The following ENPEP variants were observed in gnomAD, a reference collection of about 807,000 sequenced individuals.
ENPEP encodes the protein AP-A.
In ENPEP, 103 loss-of-function variants were observed where a neutral mutation model predicts 114.5. That is an observed-to-expected ratio of 0.90 (90% CI 0.77 to 1.06). The LOEUF is 1.06. Ranked by LOEUF, ENPEP falls within the 50% of genes least tolerant of loss-of-function variation. The probability of loss-of-function intolerance (pLI) is 0.00; values close to 1 mark genes in which losing one functional copy is unlikely to be tolerated. For missense variants in ENPEP, 1,196 were observed against 1,161.3 expected, an observed-to-expected ratio of 1.03 and a Z score of -0.43; for synonymous variants, 420 against 422.0, an observed-to-expected ratio of 1.00 and a Z score of 0.06.
At chr4:110,561,361 T>G (rs763878875) in intron 19 of ENPEP, 45 bp from the exon 20 acceptor site, 18 of 1,590,864 alleles carry the variant, frequency 1.1e-5, no homozygotes, top group Non-Finnish European at 1.2e-5. Flanking sequence ...TGAAGACTAA[T>G]TTGGCTATAA....
At chr4:110,513,229 A>G in intron 6 of ENPEP, 186 bp from the exon 7 acceptor site, 4 of 494,820 alleles carry the variant, frequency 8.1e-6, no homozygotes, top group South Asian at 4.7e-5. Context: ...AATTAGAAGT[A>G]GAAGAAGGGC....
At chr4:110,481,189 G>C (rs1724299851) in intron 1 of ENPEP, among the ~76,000 whole-genome samples, 1 of 152,038 alleles carries the variant, frequency 6.6e-6, no homozygotes, top group Admixed American at 6.5e-5. Context: ...AAATCAGTTT[G>C]TGCAATAATA....
chr4:110,515,499 T>C, intron 8 of ENPEP, 57 bp downstream of exon 8: 30 of 1,351,324 alleles, frequency 2.2e-5, no homozygotes, highest in Non-Finnish European at 3.1e-5. Context: ...ATGTGGCTGG[T>C]GAATGTTAAG....
rs1474642816 is a variant in ENPEP at position 110,483,097 on chromosome 4, A to G, written c.645-5444A>G. Among the ~76,000 whole-genome samples the G allele has an allele frequency of 2.0e-5, 3 of 152,216 alleles. No individual in the cohort carries two copies. The East Asian group carries it at 5.8e-4, about 29-fold the overall frequency. On this transcript the variant is annotated intron_variant, in intron 1 of 19. Coordinates refer to ENST00000265162, the MANE Select transcript of ENPEP (RefSeq NM_001977.4). ...AAATTTCTTTTATTTTGGAAGCAAG[A>G]AAACAAAAAGAAATTTTACTTGACC... is the stretch of plus-strand genomic sequence containing the variant.
chr4:110,529,195 C>A (rs539924793), intron 10 of ENPEP, among the ~76,000 whole-genome samples: 16 of 152,204 alleles, frequency 1.1e-4, no homozygotes, highest in African/African-American at 3.9e-4. Context: ...GTCATCCAGA[C>A]GCTGCCTGCT....
At chr4:110,521,609 G>A (rs1422632844) in intron 10 of ENPEP, among the ~76,000 whole-genome samples, 3 of 151,720 alleles carry the variant, frequency 2.0e-5, no homozygotes, top group African/African-American at 7.3e-5. Flanking sequence ...GCATAATTAA[G>A]GAAACAAAAT....
intron 18 of ENPEP, 166 bp downstream of exon 18, chr4:110,553,621 T>C (rs888707653): frequency 5.2e-6 from 3 of 581,132 alleles, no homozygotes; most frequent in South Asian, 6.5e-5. Context: ...AATGTACTAG[T>C]TAATTTTAAG....
In ENPEP at chr4:110,540,436, A is replaced by G. The variant is rs58727242; in HGVS notation, c.1808-2315A>G. 7.6e-3 allele frequency among the ~76,000 whole-genome samples: 1,159 copies of G among 152,306 alleles called. 6 individuals are homozygous for G. The highest frequency in any genetic ancestry group is 0.027 in the African/African-American group (1,113 of 41,580). On this transcript the variant is annotated intron_variant, in intron 11 of 19. Transcript: ENST00000265162. ...TAATCAGAAAAAAAATAGTAAATGG[A>G]GTAACAGAAGGAAACATACAGTATA...
At chr4:110,513,278 A>G (rs1256710769) in intron 6 of ENPEP, 137 bp from the exon 7 acceptor site, 1 of 920,196 alleles carries the variant, frequency 1.1e-6, no homozygotes, top group African/African-American at 1.7e-5. Context: ...AAGTATGATT[A>G]ATTTGAAGAC....
chr4:110,549,107 A>G (rs1727185095), intron 14 of ENPEP, among the ~76,000 whole-genome samples: 1 of 152,074 alleles, frequency 6.6e-6, no homozygotes. Context: ...AGGGGTTAAA[A>G]GGGCCTTACC....
intron 8 of ENPEP, 118 bp from the exon 9 acceptor site, chr4:110,519,890 C>T (rs1243593449): frequency 4.0e-6 from 3 of 753,260 alleles, no homozygotes; most frequent in East Asian, 5.3e-5. Flanking sequence ...TACATGTTAT[C>T]TATGGCTGGT....
chr4:110,501,036 C>T (rs952945790), intron 3 of ENPEP, among the ~76,000 whole-genome samples: 7 of 152,066 alleles, frequency 4.6e-5, no homozygotes, highest in Admixed American at 1.3e-4. Flanking sequence ...TGTTGTTACA[C>T]GGATTACAGA....
At chr4:110,516,629 T>C (rs1162244960) in intron 8 of ENPEP, among the ~76,000 whole-genome samples, 1 of 152,076 alleles carries the variant, frequency 6.6e-6, no homozygotes, top group Admixed American at 6.5e-5. Context: ...CACATAGATC[T>C]CACTCCCATC....
chr4:110,544,112 T>C (rs1176415018), intron 13 of ENPEP, among the ~76,000 whole-genome samples: 1 of 151,984 alleles, frequency 6.6e-6, no homozygotes, highest in Non-Finnish European at 1.5e-5. Flanking sequence ...CTTGACATAT[T>C]TCAAGGAAGG....
At chr4:110,509,861 CA>C in intron 5 of ENPEP, 54 bp downstream of exon 5, 1 of 1,553,104 alleles carries the variant, frequency 6.4e-7, no homozygotes, top group Non-Finnish European at 8.7e-7. Context: ...CTTAAGACCA[CA>C]GGAATAATTC....
At chr4:110,515,990 T>C in intron 8 of ENPEP, 1 of 291,222 alleles carries the variant, frequency 3.4e-6, no homozygotes, top group Non-Finnish European at 7.0e-6. Context: ...ATGTGACAGC[T>C]CCCAAAGGCT....
At chr4:110,539,475 C>T (rs1447944500) in intron 11 of ENPEP, among the ~76,000 whole-genome samples, 1 of 152,140 alleles carries the variant, frequency 6.6e-6, no homozygotes, top group East Asian at 1.9e-4. Context: ...ATAATGCATT[C>T]TACTTGAAAC....
At chr4:110,498,654 C>T (rs1050405558) in intron 3 of ENPEP, among the ~76,000 whole-genome samples, 1 of 152,174 alleles carries the variant, frequency 6.6e-6, no homozygotes. Context: ...GGGGCTGCGG[C>T]ACTTTCCAGG....
In ENPEP at chr4:110,491,151, A is replaced by G. The variant is rs1163771338; in HGVS notation, c.905A>G (p.Asn302Ser). Residue 302 changes from asparagine (N) to serine (S), a missense_variant, in exon 3 of 20, where the codon AAT (asparagine) becomes AGT (serine). Transcript: ENST00000265162. ...HQFDSVKRIS[N>S]SGKPLTIYVQ... is the part of the protein sequence containing the mutation. ...TTTGACTCTGTAAAGAGAATATCAA[A>G]TAGTGGAAAACCTGTGAGTCTCATT... 2.5e-6 allele frequency: 4 copies of G among 1,606,374 alleles called. No homozygotes were observed. In the East Asian group the frequency reaches 9.0e-5, roughly 36 times the overall value.
Sources: allele counts gnomAD v4.1 joint callset (sites outside exome capture counted in the v4.1 genomes callset), GRCh38; gene constraint gnomAD v4.1.1; transcripts MANE v1.5; gene names NCBI Gene and HGNC (gene_info 2026-07-23, HGNC 2026-07-21).